The following RC3H1 variants were observed in gnomAD, a reference collection of about 807,000 sequenced individuals.
RC3H1 encodes the protein ring finger and CCCH-type domains 1.
Under a neutral mutation model 138.2 loss-of-function variants are expected in RC3H1, and 50 were observed. That is an observed-to-expected ratio of 0.36 (90% CI 0.29 to 0.46). RC3H1 has a LOEUF of 0.46. Among genes scored for constraint, RC3H1 ranks in the 20% least tolerant of loss-of-function variants. The pLI is 1.00. For synonymous variants in RC3H1, 462 were observed against 489.1 expected, an observed-to-expected ratio of 0.94 and a Z score of 0.73; for missense variants, 1,031 against 1,388.1, an observed-to-expected ratio of 0.74 and a Z score of 4.09.
At chr1:173,995,985 G>A (rs752133173) in intron 1 of RC3H1, among the ~76,000 whole-genome samples, 11 of 152,194 alleles carry the variant, frequency 7.2e-5, no homozygotes, top group East Asian at 1.9e-4. Flanking sequence ...TGGGTGTGGC[G>A]GCTCACGCCT....
At chr1:173,977,114 C>T (rs1459673046) in intron 7 of RC3H1, among the ~76,000 whole-genome samples, 3 of 151,872 alleles carry the variant, frequency 2.0e-5, no homozygotes, top group African/African-American at 4.8e-5. Context: ...TTAGTAGAGA[C>T]GGGGTTTCAT....
chr1:173,941,940 G>GAAAAAAAAAA (rs57487234), intron 18 of RC3H1, among the ~76,000 whole-genome samples: 1 of 98,206 alleles, frequency 1.0e-5, no homozygotes, highest in Non-Finnish European at 2.3e-5. Context: ...TCAAAAAAAG[G>GAAAAAAAAAA]AAAAAAAAAA....
chr1:173,961,562 TTA>T (rs1491275575), intron 12 of RC3H1, among the ~76,000 whole-genome samples, 161 bp downstream of exon 12: 3 of 133,290 alleles, frequency 2.3e-5, no homozygotes, highest in African/African-American at 1.1e-4. Flanking sequence ...ATTATATAGT[TTA>T]AAAAAAAAAA....
At chr1:173,981,150 CCTTAA>C in intron 5 of RC3H1, 141 bp from the exon 6 acceptor site, 1 of 691,766 alleles carries the variant, frequency 1.4e-6, no homozygotes, top group East Asian at 2.8e-5. Flanking sequence ...AATATTTTCT[CCTTAA>C]CTTGTTGAGG....
At chr1:173,989,423 A>T (rs1661168242) in intron 2 of RC3H1, among the ~76,000 whole-genome samples, 1 of 152,186 alleles carries the variant, frequency 6.6e-6, no homozygotes, top group South Asian at 2.1e-4. Context: ...GGCTGGTCTC[A>T]AATGATCCAT....
At position 174,022,106 on chromosome 1, in the gene RC3H1, C is replaced by A; in HGVS notation, c.-161G>T. 1 of 398,004 alleles carries A rather than the reference C, an allele frequency of 2.5e-6. No individual in the cohort carries two copies. The highest frequency in any genetic ancestry group is 4.4e-6 in the Non-Finnish European group (1 of 226,392). 24.7% of individuals were successfully genotyped at this position (398,004 alleles called of 1,614,324 possible). A position where few individuals can be genotyped will look rare whatever the true frequency, so the allele number is the denominator to read the frequency against. On this transcript the variant is annotated 5_prime_UTR_variant, in exon 1 of 20. Transcript: ENST00000367696. The surrounding 1 kb of genome is among the most constrained non-coding windows in gnomAD (Gnocchi z 4.2). ...CCGCCGCTCGCTCACCGCGCTGGTC[C>A]GAGCAGCAGCTCCTCTCAGCTCCGA... is the stretch of plus-strand genomic sequence containing the variant.
intron 1 of RC3H1, among the ~76,000 whole-genome samples, chr1:174,013,884 A>G (rs1441776379): frequency 1.3e-5 from 2 of 152,128 alleles, no homozygotes; most frequent in Admixed American, 6.5e-5. Flanking sequence ...TTCAAGACCA[A>G]TCTCTATTTT....
intron 1 of RC3H1, among the ~76,000 whole-genome samples, chr1:173,999,409 A>G (rs1661522332): frequency 6.6e-6 from 1 of 152,078 alleles, no homozygotes; most frequent in Non-Finnish European, 1.5e-5. Flanking sequence ...GAGAGAAAGA[A>G]AGATATGAAT....
Position 173,962,964 on chromosome 1 carries a change from C to T in RC3H1, c.1832-869G>A, listed in dbSNP as rs375706534. 1.7e-3 allele frequency among the ~76,000 whole-genome samples: 259 copies of T among 152,154 alleles called. 1 individual carries two copies. The highest frequency in any genetic ancestry group is 5.8e-3 in the African/African-American group (242 of 41,518). ...ATGATTCAAAATTAAATGACAGACT[C>T]GGAAAAAGAAGACAGCACTTTTAAT... On this transcript the variant is annotated intron_variant, in intron 11 of 19. Transcript: ENST00000367696.
At chr1:173,983,995 G>A (rs887385210) in intron 3 of RC3H1, among the ~76,000 whole-genome samples, 3 of 152,092 alleles carry the variant, frequency 2.0e-5, no homozygotes, top group African/African-American at 7.2e-5. Flanking sequence ...AAGAGTTCTG[G>A]TATATTATTT....
chr1:173,954,950 G>GGT (rs1659567257), intron 13 of RC3H1, among the ~76,000 whole-genome samples: 1 of 151,930 alleles, frequency 6.6e-6, no homozygotes, highest in Non-Finnish European at 1.5e-5. Flanking sequence ...TCTTAGGCTG[G>GGT]GTGTGGTGGC....
At chr1:173,945,649 TA>T (rs1659101292) in intron 17 of RC3H1, among the ~76,000 whole-genome samples, 1 of 152,168 alleles carries the variant, frequency 6.6e-6, no homozygotes, top group Non-Finnish European at 1.5e-5. Flanking sequence ...CAGAACTACG[TA>T]AATGAAAAGT....
rs769322123 is a variant in RC3H1, at chr1:173,938,786, G to C, written c.3337C>G (p.Pro1113Ala). 85 of 1,613,154 alleles carry C rather than the reference G, an allele frequency of 5.3e-5. No homozygotes were observed. The Middle Eastern group carries it at 8.2e-4, about 16-fold the overall frequency. ...KTSSLNLSED[P>A]EGGGDNNDSQ... ...TCATTATTATCCCCTCCTCCCTCAG[G>C]GTCCTCTGACAGGTTCAGAGAGCTG... The change falls in exon 20 of 20, where the codon CCT (proline) becomes GCT (alanine). Residue 1113 changes from proline (P) to alanine (A), a missense_variant. Transcript: ENST00000367696.
At chr1:173,982,994 C>G in intron 4 of RC3H1, 92 bp from the exon 5 acceptor site, 1 of 1,174,012 alleles carries the variant, frequency 8.5e-7, no homozygotes, top group Non-Finnish European at 1.2e-6. Context: ...ATTTCTGCAG[C>G]TATTCAATTA....
At chr1:173,966,567 T>C (rs1043840097) in intron 9 of RC3H1, among the ~76,000 whole-genome samples, 3 of 151,908 alleles carry the variant, frequency 2.0e-5, no homozygotes, top group Non-Finnish European at 4.4e-5. Context: ...ATACAAAAAT[T>C]AGCTGGGTGT....
intron 15 of RC3H1, among the ~76,000 whole-genome samples, chr1:173,947,168 C>T (rs544091366): frequency 6.6e-6 from 1 of 152,154 alleles, no homozygotes; most frequent in Non-Finnish European, 1.5e-5. Flanking sequence ...GAAAGCTTCA[C>T]ATATAGACAT....
In RC3H1 at chr1:173,962,070, T is replaced by A; in HGVS notation, c.1857A>T (p.Gln619His). 6.2e-7 allele frequency: 1 copy of A among 1,613,874 alleles called. No individual in the cohort carries two copies. Among genetic ancestry groups the A allele is most frequent in the Non-Finnish European group, 8.5e-7 (1 of 1,179,918 alleles). Residue 619 changes from glutamine to histidine, a missense_variant, in exon 12 of 20, where the codon CAA (glutamine) becomes CAT (histidine). This residue lies in a region of RC3H1 where 716 missense variants were observed against 837.9 expected (regional missense o/e 0.85). Transcript: ENST00000367696. ...GAGGTCGGACAAAGCGGGACACACA[T>A]TGTGGTGGTGGAGTATAATACATAC... ...QQGMYYTPPP[Q>H]CVSRFVRPPP...
chr1:173,955,225 CAAAAA>C (rs560354496), intron 13 of RC3H1, among the ~76,000 whole-genome samples: 4 of 60,804 alleles, frequency 6.6e-5, no homozygotes, highest in East Asian at 5.4e-4. Flanking sequence ...AACTCTGTCA[CAAAAA>C]AAAAAAAAAA....
intron 1 of RC3H1, among the ~76,000 whole-genome samples, chr1:174,004,164 G>A (rs1237090885): frequency 6.6e-6 from 1 of 150,914 alleles, no homozygotes; most frequent in Admixed American, 6.6e-5. Context: ...GGAGTCAGCA[G>A]CACAATCACT....
Sources: gnomAD v4.1 joint callset for allele counts (sites outside exome capture counted in the v4.1 genomes callset) on GRCh38, gnomAD v4.1.1 for gene constraint, gnomAD v4.1.1 regional missense constraint, Gnocchi (gnomAD v3.1) non-coding constraint, MANE v1.5 for transcripts, NCBI Gene and HGNC (gene_info 2026-07-23, HGNC 2026-07-21) for gene names.